The following CIART variants were observed in gnomAD, a reference collection of about 807,000 sequenced individuals.
CIART encodes circadian-associated transcriptional repressor.
A neutral mutation model predicts 22.1 loss-of-function variants in CIART; 7 were observed. The observed-to-expected ratio is 0.32, with a 90% CI of 0.18 to 0.59. The LOEUF is 0.59. CIART is among the 20% of genes least tolerant of loss of function. The pLI is 0.86. For missense variants in CIART, 440 were observed against 478.0 expected (o/e 0.92, Z 0.74); for synonymous variants, 163 against 174.6 (o/e 0.93, Z 0.53).
In CIART at chr1:150,284,407, T is replaced by G; in HGVS notation, c.443-19T>G. The G allele has an allele frequency of 6.4e-7, 1 of 1,565,906 alleles. No homozygotes were observed. Among genetic ancestry groups the G allele is most frequent in the Non-Finnish European group, 8.8e-7 (1 of 1,136,376 alleles). On this transcript the variant is annotated intron_variant, in intron 2 of 4. Coordinates refer to ENST00000290363, the MANE Select transcript of CIART (RefSeq NM_144697.4). ...TGCTTGAATCTCAATCCTTAATCTC[T>G]CTCTGTCCCTGTCCCCAGGATTAAG...
chr1:150,283,687 G>C (rs1653293300), intron 1 of CIART, 54 bp downstream of exon 1: 2 of 1,588,126 alleles, frequency 1.3e-6, no homozygotes, highest in Admixed American at 1.7e-5. Flanking sequence ...GCACCCAGCT[G>C]GTTGATAAGG....
At position 150,287,008 on chromosome 1, in the gene CIART, A is replaced by G. The variant is rs1190523661; in HGVS notation, c.*54A>G. ...TTCTAATTTGTGTAAATATTTATGT[A>G]TATATGTATTTTTACTATTAATGTG... On this transcript the variant is annotated 3_prime_UTR_variant, in exon 5 of 5. Transcript: ENST00000290363. The G allele has an allele frequency of 1.4e-6, 2 of 1,413,166 alleles. No individual in the cohort carries two copies. Among genetic ancestry groups the G allele is most frequent in the Non-Finnish European group, 1.9e-6 (2 of 1,049,126 alleles). 87.5% of individuals were successfully genotyped at this position (1,413,166 alleles called of 1,614,324 possible).
chr1:150,283,890 T>G lies in CIART; in HGVS notation c.442+10T>G, dbSNP rs587726852. 1 of 1,545,746 alleles carries G rather than the reference T, an allele frequency of 6.5e-7. No individual in the cohort carries two copies. Among genetic ancestry groups the G allele is most frequent in the Non-Finnish European group, 8.9e-7 (1 of 1,118,868 alleles). On this transcript the variant is annotated intron_variant, in intron 2 of 4. Coordinates refer to ENST00000290363, the MANE Select transcript of CIART (RefSeq NM_144697.4). ...GGTCGTTTTGAGAGAGGTAATCTTA[T>G]TGTTGCATTCATTTGGGCTAGGTTC...
Position 150,283,256 on chromosome 1 carries a change from G to A in CIART, c.-12G>A. The A allele has an allele frequency of 3.3e-6, 5 of 1,512,894 alleles. No homozygotes were observed. The highest frequency in any genetic ancestry group is 4.4e-6 in the Non-Finnish European group (5 of 1,131,308). 93.7% of individuals were successfully genotyped at this position (1,512,894 alleles called of 1,614,324 possible). On this transcript the variant is annotated 5_prime_UTR_variant, in exon 1 of 5. Transcript: ENST00000290363. ...CTCCAGGAGCTGTTCTATAGCCCCTGCTTCTGGACCTATGGATTCTCCATC... is the reference window on the plus strand; with the variant it reads ...CTCCAGGAGCTGTTCTATAGCCCCTACTTCTGGACCTATGGATTCTCCATC...
At chr1:150,285,996 T>G (rs1653466693) in intron 4 of CIART, among the ~76,000 whole-genome samples, 1 of 151,974 alleles carries the variant, frequency 6.6e-6, no homozygotes, top group Non-Finnish European at 1.5e-5. Context: ...AAAAAAACAG[T>G]AGGAGGATCT....
chr1:150,283,435 G>A lies in CIART; in HGVS notation c.168G>A (p.Arg56=). 6.2e-7 allele frequency: 1 copy of A among 1,614,206 alleles called. No homozygotes were observed. The highest frequency in any genetic ancestry group is 8.5e-7 in the Non-Finnish European group (1 of 1,180,040). The change falls in exon 1 of 5, where the codon CGG becomes CGA. Residue 56 remains arginine, a synonymous_variant. Coordinates refer to ENST00000290363, the MANE Select transcript of CIART (RefSeq NM_144697.4). ...PDTVGQRGGS[R]PSPGPIRCRH... is the part of the protein sequence containing the mutation. Reference sequence around the variant, plus strand: ...CTGTTGGGCAGAGGGGAGGTTCACGGCCCAGCCCGGGTCCTATCCGCTGCA... The same window carrying A: ...CTGTTGGGCAGAGGGGAGGTTCACGACCCAGCCCGGGTCCTATCCGCTGCA...
chr1:150,283,469 T>C lies in CIART; in HGVS notation c.202T>C (p.Ser68Pro), dbSNP rs1402801784. ...GGGTCCTATCCGCTGCAGGCATCGA[T>C]CGAAGGTTTCCGGTAACCAGCATAC... ...SPGPIRCRHR[S>P]KVSGNQHTPS... The change falls in exon 1 of 5, where the codon TCG becomes CCG. Residue 68 changes from serine to proline, a missense_variant. Ser to Pro is a moderately conservative substitution (Grantham distance 74). Transcript: ENST00000290363. 2 of 1,614,012 alleles carry C rather than the reference T, an allele frequency of 1.2e-6. No individual in the cohort carries two copies. The highest frequency in any genetic ancestry group is 3.3e-5 in the Admixed American group (2 of 60,000).
chr1:150,286,862 C>T lies in CIART; in HGVS notation c.1066C>T (p.Pro356Ser), dbSNP rs374981213. 49 of 1,612,772 alleles carry T rather than the reference C, an allele frequency of 3.0e-5. No homozygotes were observed. The African/African-American group carries it at 5.5e-4, about 18-fold the overall frequency. Residue 356 changes from proline to serine, a missense_variant, in exon 5 of 5, where the codon CCC (proline) becomes TCC (serine). Physicochemically the swap from Pro to Ser is moderately conservative, Grantham distance 74 (BLOSUM62 -1). Transcript: ENST00000290363. ...WSYTLSPPSL[P>S]TLARKMTIGH... ...CTATACCCTATCCCCTCCCAGTCTA[C>T]CCACCTTGGCCAGAAAGATGACCAT...
chr1:150,284,670 A>G lies in CIART; in HGVS notation c.595A>G (p.Lys199Glu). The G allele has an allele frequency of 1.2e-6, 2 of 1,613,980 alleles. No homozygotes were observed. Residue 199 changes from lysine to glutamate, a missense_variant, in exon 4 of 5, where the codon AAG (lysine) becomes GAG (glutamate). Lys to Glu is a moderately conservative substitution (Grantham distance 56). Transcript: ENST00000290363. ...TTGGTTTCCACAAATAGCTGCCCAGAAGTCATCATTGGGTGGTGGCAAGCA... is the reference window on the plus strand; with the variant it reads ...TTGGTTTCCACAAATAGCTGCCCAGGAGTCATCATTGGGTGGTGGCAAGCA... ...KTWFPQIAAQ[K>E]SSLGGGKHQL...
chr1:150,284,559 C>T (rs1553854255), intron 3 of CIART, 38 bp from the exon 4 acceptor site: 2 of 1,595,138 alleles, frequency 1.3e-6, no homozygotes, highest in Admixed American at 3.3e-5. Flanking sequence ...TTTCTCCAAT[C>T]CTGTTGCTGG....
chr1:150,283,868 C>G lies in CIART; in HGVS notation c.430C>G (p.Arg144Gly). 6.3e-7 allele frequency: 1 copy of G among 1,581,776 alleles called. No individual in the cohort carries two copies. The highest frequency in any genetic ancestry group is 8.7e-7 in the Non-Finnish European group (1 of 1,151,584). Residue 144 changes from arginine (R) to glycine (G), a missense_variant, in exon 2 of 5, where the codon CGT becomes GGT. Transcript: ENST00000290363. ...CCTACTCAATGGGCTGAAGATGGGTCGTTTTGAGAGAGGTAATCTTATTGT... is the reference window on the plus strand; with the variant it reads ...CCTACTCAATGGGCTGAAGATGGGTGGTTTTGAGAGAGGTAATCTTATTGT... Reference protein sequence around the residue: ...TDLLNGLKMGRFERGLSSFQQ... With the variant: ...TDLLNGLKMGGFERGLSSFQQ...
Position 150,286,883 on chromosome 1 carries a change from A to G in CIART, c.1087A>G (p.Thr363Ala). Residue 363 changes from threonine to alanine, a missense_variant, in exon 5 of 5, where the codon ACC (threonine) becomes GCC (alanine). Physicochemically the swap from Thr to Ala is moderately conservative, Grantham distance 58 (BLOSUM62 0). Transcript: ENST00000290363. ...PSLPTLARKMTIGHREQQRSH... is the reference protein window; with the variant it reads ...PSLPTLARKMAIGHREQQRSH... ...TCTACCCACCTTGGCCAGAAAGATG[A>G]CCATAGGACACCGGGAGCAGCAGAG... 1 of 1,610,720 alleles carries G rather than the reference A, an allele frequency of 6.2e-7. No individual in the cohort carries two copies. The highest frequency in any genetic ancestry group is 8.5e-7 in the Non-Finnish European group (1 of 1,177,980).
rs1168745541 is a variant in CIART, at chr1:150,282,582, C to CTGGA, written c.-685_-682dup. On this transcript the variant is annotated 5_prime_UTR_variant, in exon 1 of 5. In the 5' UTR this introduces an upstream ATG that the reference lacks. Coordinates refer to ENST00000290363, the MANE Select transcript of CIART (RefSeq NM_144697.4). ...TAGACCCGGAGAGACGGCGAAGGAG[C>CTGGA]TGGAAACCGAGCCAGGGCTGAGCCG... The CTGGA allele has an allele frequency of 1.3e-5, 2 of 152,194 alleles. No homozygotes were observed. The highest frequency in any genetic ancestry group is 2.9e-5 in the Non-Finnish European group (2 of 68,108). 9.4% of individuals were successfully genotyped at this position (152,194 alleles called of 1,614,324 possible). A position where few individuals can be genotyped will look rare whatever the true frequency, so the allele number is the denominator to read the frequency against.
rs1653541285 is a variant in CIART, at chr1:150,287,020, T to A, written c.*66T>A. 2.2e-6 allele frequency: 3 copies of A among 1,373,594 alleles called. No individual in the cohort carries two copies. In the South Asian group the frequency reaches 4.7e-5, roughly 21 times the overall value. 85.1% of individuals were successfully genotyped at this position (1,373,594 alleles called of 1,614,324 possible). A position where few individuals can be genotyped will look rare whatever the true frequency, so the allele number is the denominator to read the frequency against. Reference sequence around the variant, plus strand: ...TAAATATTTATGTATATATGTATTTTTACTATTAATGTGTGCATTTGTGTT... The same window carrying A: ...TAAATATTTATGTATATATGTATTTATACTATTAATGTGTGCATTTGTGTT... On this transcript the variant is annotated 3_prime_UTR_variant, in exon 5 of 5. Coordinates refer to ENST00000290363, the MANE Select transcript of CIART (RefSeq NM_144697.4).
In CIART at chr1:150,286,890, G is replaced by A. The variant is rs782190710; in HGVS notation, c.1094G>A (p.Gly365Glu). The A allele has an allele frequency of 1.2e-6, 2 of 1,609,212 alleles. No homozygotes were observed. Among genetic ancestry groups the A allele is most frequent in the South Asian group, 1.1e-5 (1 of 90,546 alleles). The change falls in exon 5 of 5, where the codon GGA becomes GAA. Residue 365 changes from glycine to glutamate, a missense_variant. By Grantham distance (98) the Gly-to-Glu change is moderately conservative. Transcript: ENST00000290363. The stretch of plus-strand genomic sequence containing the variant: ...ACCTTGGCCAGAAAGATGACCATAG[G>A]ACACCGGGAGCAGCAGAGAAGCCAT... ...LPTLARKMTIGHREQQRSHPP... is the reference protein window; with the variant it reads ...LPTLARKMTIEHREQQRSHPP...
Position 150,283,642 on chromosome 1 carries a change from A to C in CIART, c.366+9A>C. 6.2e-7 allele frequency: 1 copy of C among 1,612,550 alleles called. No individual in the cohort carries two copies. The highest frequency in any genetic ancestry group is 8.5e-7 in the Non-Finnish European group (1 of 1,178,898). ...TGCTGTTTGCCCAGAAGGTAAGAGA[A>C]AGCAGGTGAAAGGAGATTCTCCTGG... On this transcript the variant is annotated intron_variant, in intron 1 of 4. Transcript: ENST00000290363.
rs1463018548 is a variant in CIART at position 150,286,518 on chromosome 1, C to T, written c.722C>T (p.Ala241Val). Residue 241 changes from alanine (A) to valine (V), a missense_variant, in exon 5 of 5, where the codon GCT (alanine) becomes GTT (valine). Ala to Val is a moderately conservative substitution (Grantham distance 64). Transcript: ENST00000290363. Reference sequence around the variant, plus strand: ...GACCAGACACAGCTAGGACATCTAGCTTTAAAACCAAAGCAGCCTTGGCAC... The same window carrying T: ...GACCAGACACAGCTAGGACATCTAGTTTTAAAACCAAAGCAGCCTTGGCAC... Reference protein sequence around the residue: ...KMDQTQLGHLALKPKQPWHLT... With the variant: ...KMDQTQLGHLVLKPKQPWHLT... 3 of 1,590,240 alleles carry T rather than the reference C, an allele frequency of 1.9e-6. No homozygotes were observed. Among genetic ancestry groups the T allele is most frequent in the Non-Finnish European group, 2.6e-6 (3 of 1,158,496 alleles).
chr1:150,286,842 C>T lies in CIART; in HGVS notation c.1046C>T (p.Thr349Ile). The change falls in exon 5 of 5, where the codon ACC (threonine) becomes ATC (isoleucine). Residue 349 changes from threonine (T) to isoleucine (I), a missense_variant. Physicochemically the swap from Thr to Ile is moderately conservative, Grantham distance 89. Coordinates refer to ENST00000290363, the MANE Select transcript of CIART (RefSeq NM_144697.4). ...PVTLPSDWSY[T>I]LSPPSLPTLA... ...ACTCTGCCATCAGACTGGAGCTATACCCTATCCCCTCCCAGTCTACCCACC... is the reference window on the plus strand; with the variant it reads ...ACTCTGCCATCAGACTGGAGCTATATCCTATCCCCTCCCAGTCTACCCACC... 1 of 1,613,242 alleles carries T rather than the reference C, an allele frequency of 6.2e-7. No individual in the cohort carries two copies. Among genetic ancestry groups the T allele is most frequent in the Non-Finnish European group, 8.5e-7 (1 of 1,179,252 alleles).
Position 150,286,686 on chromosome 1 carries a change from A to G in CIART, c.890A>G (p.Gln297Arg). Residue 297 changes from glutamine to arginine, a missense_variant, in exon 5 of 5, where the codon CAG (glutamine) becomes CGG (arginine). By Grantham distance (43) the Gln-to-Arg change is conservative. Transcript: ENST00000290363. ...GTGIGVILFL[Q>R]HGVQPFTHSA... Reference sequence around the variant, plus strand: ...GGCATTGGCGTCATTCTTTTCCTCCAGCATGGAGTGCAACCCTTCACCCAC... The same window carrying G: ...GGCATTGGCGTCATTCTTTTCCTCCGGCATGGAGTGCAACCCTTCACCCAC... 6.2e-7 allele frequency: 1 copy of G among 1,614,070 alleles called. No homozygotes were observed. Among genetic ancestry groups the G allele is most frequent in the Non-Finnish European group, 8.5e-7 (1 of 1,179,994 alleles).
Sources: allele counts gnomAD v4.1 joint callset (sites outside exome capture counted in the v4.1 genomes callset), GRCh38; gene constraint gnomAD v4.1.1; transcripts MANE v1.5; gene names NCBI Gene and HGNC (gene_info 2026-07-23, HGNC 2026-07-21).